The following BRINP3 variants were observed in gnomAD, a reference collection of about 807,000 sequenced individuals.
The protein encoded by BRINP3 is BMP/retinoic acid-inducible neural-specific protein 3.
In BRINP3, 19 loss-of-function variants were observed where a neutral mutation model predicts 71.0. That is an observed-to-expected ratio of 0.27 (90% confidence interval 0.19 to 0.39). The LOEUF (loss-of-function observed/expected upper bound fraction) is 0.39. BRINP3 is among the 10% of genes least tolerant of loss of function. The pLI is 1.00. For synonymous variants in BRINP3, 380 were observed against 337.7 expected, an observed-to-expected ratio of 1.13 and a Z score of -1.37; for missense variants, 959 against 940.8, an observed-to-expected ratio of 1.02 and a Z score of -0.25.
At chr1:190,195,591 G>A (rs907769147) in intron 6 of BRINP3, among the ~76,000 whole-genome samples, 4 of 151,662 alleles carry the variant, frequency 2.6e-5, no homozygotes, top group South Asian at 2.1e-4. Flanking sequence ...TGTATTATAC[G>A]TATGAAGAAT....
chr1:190,447,317 T>C (rs1675287468), intron 2 of BRINP3, among the ~76,000 whole-genome samples: 1 of 146,366 alleles, frequency 6.8e-6, no homozygotes, highest in Admixed American at 6.9e-5. Flanking sequence ...ATATATATAG[T>C]ATAATTTTTT....
intron 3 of BRINP3, among the ~76,000 whole-genome samples, chr1:190,278,288 C>A (rs981942922): frequency 1.3e-5 from 2 of 151,528 alleles, no homozygotes; most frequent in Non-Finnish European, 3.0e-5. Context: ...ACATTACACC[C>A]TAGTGTTATA....
intron 2 of BRINP3, among the ~76,000 whole-genome samples, chr1:190,448,356 T>G (rs183419190): frequency 6.6e-6 from 1 of 151,876 alleles, no homozygotes; most frequent in East Asian, 1.9e-4. Flanking sequence ...TGACCGTATT[T>G]AAGATGTATG....
intron 2 of BRINP3, among the ~76,000 whole-genome samples, chr1:190,439,575 T>C (rs2102549617): frequency 6.6e-6 from 1 of 151,694 alleles, no homozygotes; most frequent in East Asian, 1.9e-4. Context: ...GAATTAATGG[T>C]AGAAAGATGT....
intron 2 of BRINP3, among the ~76,000 whole-genome samples, chr1:190,340,457 T>G (rs1340011634): frequency 6.6e-6 from 1 of 151,916 alleles, no homozygotes; most frequent in Non-Finnish European, 1.5e-5. Context: ...TCTTATTGAT[T>G]GATTTATCTC....
chr1:190,200,409 C>A, intron 6 of BRINP3, among the ~76,000 whole-genome samples: 1 of 151,958 alleles, frequency 6.6e-6, no homozygotes, highest in East Asian at 1.9e-4. Flanking sequence ...TCTTAGAGAC[C>A]ATATATTATT....
At chr1:190,464,956 A>T (rs1676641126) in intron 1 of BRINP3, among the ~76,000 whole-genome samples, 1 of 152,004 alleles carries the variant, frequency 6.6e-6, no homozygotes, top group Non-Finnish European at 1.5e-5. Context: ...AAGGAAACTA[A>T]TCTCCTACTT....
At chr1:190,390,577 G>A (rs189256253) in intron 2 of BRINP3, among the ~76,000 whole-genome samples, 10 of 151,862 alleles carry the variant, frequency 6.6e-5, no homozygotes, top group Admixed American at 5.9e-4. Context: ...TGGGATGCAT[G>A]GTAGAGGGTG....
chr1:190,126,347 A>T (rs372475112), intron 7 of BRINP3, among the ~76,000 whole-genome samples: 1 of 151,896 alleles, frequency 6.6e-6, no homozygotes, highest in African/African-American at 2.4e-5. Context: ...GAATTTGCAG[A>T]ACTATCTGCA....
intron 4 of BRINP3, among the ~76,000 whole-genome samples, chr1:190,250,404 T>C (rs531487817): frequency 1.3e-5 from 2 of 152,122 alleles, no homozygotes; most frequent in South Asian, 2.1e-4. Flanking sequence ...CTTTTTTAAC[T>C]TGATATTTGT....
intron 6 of BRINP3, among the ~76,000 whole-genome samples, chr1:190,199,771 G>GAAAAAAAAAAAAAAAAAA (rs35752025): frequency 8.1e-6 from 1 of 123,518 alleles, no homozygotes; most frequent in African/African-American, 3.0e-5. Flanking sequence ...CAAGGCATAG[G>GAAAAAAAAAAAAAAAAAA]AAAAAAAAAA....
intron 6 of BRINP3, among the ~76,000 whole-genome samples, chr1:190,209,635 T>C (rs183239163): frequency 6.4e-4 from 98 of 152,272 alleles, no homozygotes; most frequent in African/African-American, 2.2e-3. Context: ...GTTCATAAAA[T>C]ATTTGCTCAG....
intron 7 of BRINP3, among the ~76,000 whole-genome samples, chr1:190,139,619 G>T (rs1655265497): frequency 1.3e-5 from 2 of 152,110 alleles, no homozygotes; most frequent in African/African-American, 4.8e-5. Flanking sequence ...AGAAGGAAAG[G>T]TGGGCAGGGA....
chr1:190,443,509 G>C (rs72731179), intron 2 of BRINP3, among the ~76,000 whole-genome samples: 23,545 of 152,110 alleles, frequency 0.15, 1,937 homozygotes, highest in South Asian at 0.21. Context: ...CTAGTTTAAA[G>C]TATCTCTGCT....
intron 4 of BRINP3, among the ~76,000 whole-genome samples, chr1:190,257,031 C>T (rs1339952410): frequency 6.6e-6 from 1 of 152,114 alleles, no homozygotes; most frequent in Non-Finnish European, 1.5e-5. Flanking sequence ...TGAATGTTGG[C>T]CTGACTTGCT....
intron 2 of BRINP3, among the ~76,000 whole-genome samples, chr1:190,426,461 T>C (rs1434434935): frequency 2.0e-5 from 3 of 151,882 alleles, no homozygotes; most frequent in Non-Finnish European, 4.4e-5. Context: ...GTTTGCATTA[T>C]GCTAATTGAG....
chr1:190,414,858 G>A (rs12070720), intron 2 of BRINP3, among the ~76,000 whole-genome samples: 2,377 of 152,244 alleles, frequency 0.016, 58 homozygotes, highest in African/African-American at 0.053. Context: ...AGATAGAAGA[G>A]GAGCTGCTGT....
rs547192645 is a variant in BRINP3 at position 190,434,430 on chromosome 1, T to C, written c.236+20225A>G. ...CAGCCCAAAATAATGGTTCTTTAGG[T>C]TTCTTTGTTGTTCTTTTTCAAGTTT... On this transcript the variant is annotated intron_variant, in intron 2 of 7. Coordinates refer to ENST00000367462, the MANE Select transcript of BRINP3 (RefSeq NM_199051.3). Among the ~76,000 whole-genome samples, 32 of 152,054 alleles carry C rather than the reference T, an allele frequency of 2.1e-4. No homozygotes were observed. In the East Asian group the frequency reaches 5.0e-3, roughly 24 times the overall value.
At chr1:190,161,157 G>A (rs1657326187) in intron 6 of BRINP3, among the ~76,000 whole-genome samples, 1 of 151,980 alleles carries the variant, frequency 6.6e-6, no homozygotes, top group African/African-American at 2.4e-5. Context: ...GCAAATAGTT[G>A]AAGCAGAAAG....
Sources: gnomAD v4.1 joint callset for allele counts (sites outside exome capture counted in the v4.1 genomes callset) on GRCh38, gnomAD v4.1.1 for gene constraint, MANE v1.5 for transcripts, NCBI Gene and HGNC (gene_info 2026-07-23, HGNC 2026-07-21) for gene names.